Variants in PEAK1 observed in about 807,000 individuals in gnomAD.
PEAK1 encodes the protein pseudopodium enriched atypical kinase 1.
A neutral mutation model predicts 124.7 loss-of-function variants in PEAK1; 54 were observed. The observed-to-expected ratio is 0.43, with a 90% CI of 0.35 to 0.54. The LOEUF (loss-of-function observed/expected upper bound fraction) is 0.54, where lower values mean the gene tolerates loss of function less well. Ranked by LOEUF, PEAK1 falls within the 20% of genes least tolerant of loss-of-function variation. The pLI is 0.01. For synonymous variants in PEAK1, 719 were observed against 760.0 expected, an observed-to-expected ratio of 0.95 and a Z score of 0.89; for missense variants, 2,046 against 2,134.5, an observed-to-expected ratio of 0.96 and a Z score of 0.82.
intron 6 of PEAK1, among the ~76,000 whole-genome samples, chr15:77,241,009 GA>G (rs1469358306): frequency 6.6e-6 from 1 of 150,786 alleles, no homozygotes; most frequent in African/African-American, 2.4e-5. Flanking sequence ...TTGTTTGGCA[GA>G]AAAAAAAATT....
chr15:77,402,085 G>A, intron 1 of PEAK1: 1 of 831,996 alleles, frequency 1.2e-6, no homozygotes, highest in Non-Finnish European at 1.4e-6. Context: ...TATAATCCCA[G>A]CTACTATGGT....
intron 2 of PEAK1, among the ~76,000 whole-genome samples, chr15:77,303,711 T>C (rs1177614531): frequency 6.6e-6 from 1 of 152,212 alleles, no homozygotes; most frequent in Admixed American, 6.5e-5. Flanking sequence ...ATTCTTTTAA[T>C]AGAGTATTTC....
intron 6 of PEAK1, among the ~76,000 whole-genome samples, chr15:77,197,630 G>C (rs1037849724): frequency 2.0e-5 from 3 of 152,040 alleles, no homozygotes; most frequent in Non-Finnish European, 4.4e-5. Flanking sequence ...CTTGTGTTCT[G>C]AGATAAGACA....
intron 2 of PEAK1, among the ~76,000 whole-genome samples, chr15:77,307,275 G>A (rs2064156714): frequency 6.6e-6 from 1 of 151,856 alleles, no homozygotes; most frequent in African/African-American, 2.4e-5. Context: ...AAAATGAGGG[G>A]ACTGGACACA....
chr15:77,171,873 A>T (rs953829767), intron 7 of PEAK1, among the ~76,000 whole-genome samples: 1 of 152,180 alleles, frequency 6.6e-6, no homozygotes, highest in African/African-American at 2.4e-5. Flanking sequence ...TAGTACCTAA[A>T]TAATATTTTT....
At chr15:77,398,101 A>G (rs752293141) in intron 1 of PEAK1, among the ~76,000 whole-genome samples, 20 of 152,142 alleles carry the variant, frequency 1.3e-4, no homozygotes, top group Admixed American at 2.6e-4. Context: ...TAATGAGATC[A>G]ATGCTATAAT....
chr15:77,178,828 ACTC>A lies in PEAK1; in HGVS notation c.3096_3098del (p.Arg1032del), dbSNP rs1212736535. ...TAGGAATCTGTGATGGAGAAGAATG[ACTC>A]CTCTTCTTCTCTGAGTCCTGTAGTA... On this transcript the variant is annotated inframe_deletion, in exon 7 of 10. Coordinates refer to ENST00000682557, the MANE Select transcript of PEAK1 (RefSeq NM_001385026.1). 8.1e-6 allele frequency: 13 copies of A among 1,611,710 alleles called. No homozygotes were observed. Among genetic ancestry groups the A allele is most frequent in the African/African-American group, 8.0e-5 (6 of 74,784 alleles).
At chr15:77,344,910 C>G (rs10152584) in intron 2 of PEAK1, among the ~76,000 whole-genome samples, 1,579 of 152,326 alleles carry the variant, frequency 0.01, 28 homozygotes, top group African/African-American at 0.036. Flanking sequence ...CCAGAAACTT[C>G]GCTGAATTGT....
intron 7 of PEAK1, among the ~76,000 whole-genome samples, chr15:77,159,937 G>T (rs1390854967): frequency 6.6e-6 from 1 of 152,222 alleles, no homozygotes; most frequent in Non-Finnish European, 1.5e-5. Context: ...GGCAGAGCCA[G>T]AGGTCTCTCT....
chr15:77,318,822 A>AC (rs1221509865), intron 2 of PEAK1, among the ~76,000 whole-genome samples: 2 of 152,038 alleles, frequency 1.3e-5, no homozygotes, highest in Non-Finnish European at 2.9e-5. Flanking sequence ...AATAGATGAC[A>AC]CCCCTCCTTA....
chr15:77,158,592 G>T lies in PEAK1; in HGVS notation c.3242C>A (p.Ser1081Tyr). Residue 1081 changes from serine to tyrosine, a missense_variant, in exon 8 of 10, where the codon TCC (serine) becomes TAC (tyrosine). Transcript: ENST00000682557. ...ATCTTCCCTTTCCAGTTCAGGTAGG[G>T]ACAATGCTGTTGTGACTGAAGTGCA... is the stretch of plus-strand genomic sequence containing the variant. ...RGCTSVTTAL[S>Y]LPELEREDGK... 2 of 1,614,106 alleles carry T rather than the reference G, an allele frequency of 1.2e-6. No individual in the cohort carries two copies. The highest frequency in any genetic ancestry group is 1.7e-6 in the Non-Finnish European group (2 of 1,179,978).
chr15:77,165,551 A>G (rs1567053203), intron 7 of PEAK1, among the ~76,000 whole-genome samples: 1 of 152,086 alleles, frequency 6.6e-6, no homozygotes, highest in Non-Finnish European at 1.5e-5. Context: ...CCCAGAAGCA[A>G]TGGAGAAGCA....
intron 6 of PEAK1, among the ~76,000 whole-genome samples, chr15:77,246,272 G>C (rs554980210): frequency 6.6e-6 from 1 of 152,292 alleles, no homozygotes; most frequent in East Asian, 1.9e-4. Flanking sequence ...CTCCCAAAGT[G>C]CTGGGATTAC....
chr15:77,258,409 G>A (rs1159202666), intron 5 of PEAK1, among the ~76,000 whole-genome samples: 1 of 152,158 alleles, frequency 6.6e-6, no homozygotes, highest in Non-Finnish European at 1.5e-5. Flanking sequence ...TCATTGAGCA[G>A]TGGTTTGTAG....
rs200573840 is a variant in PEAK1 at position 77,179,312 on chromosome 15, G to T, written c.2615C>A (p.Pro872Gln). 5 of 1,613,926 alleles carry T rather than the reference G, an allele frequency of 3.1e-6. No homozygotes were observed. Among genetic ancestry groups the T allele is most frequent in the Non-Finnish European group, 3.4e-6 (4 of 1,180,018 alleles). Reference sequence around the variant, plus strand: ...GTAAGGAGAAGAAGTAGAGCGTGGCGGGGGAAAGGGAGCTGGTGGCTCACT... The same window carrying T: ...GTAAGGAGAAGAAGTAGAGCGTGGCTGGGGAAAGGGAGCTGGTGGCTCACT... ...PQSEPPAPFP[P>Q]PRSTSSPYHA... The change falls in exon 7 of 10, where the codon CCG (proline) becomes CAG (glutamine). Residue 872 changes from proline (P) to glutamine (Q), a missense_variant. Coordinates refer to ENST00000682557, the MANE Select transcript of PEAK1 (RefSeq NM_001385026.1).
At chr15:77,264,119 C>G (rs1163576719) in intron 5 of PEAK1, among the ~76,000 whole-genome samples, 3 of 152,120 alleles carry the variant, frequency 2.0e-5, no homozygotes, top group African/African-American at 7.2e-5. Flanking sequence ...ATAATAAGAG[C>G]TATCTGTGAC....
At chr15:77,414,870 G>A (rs980104813) in intron 1 of PEAK1, among the ~76,000 whole-genome samples, 2 of 152,114 alleles carry the variant, frequency 1.3e-5, no homozygotes, top group African/African-American at 4.8e-5. Flanking sequence ...CCTCCTTACA[G>A]GCTTCCAGCT....
intron 8 of PEAK1, chr15:77,157,265 C>T (rs1218631103): frequency 2.6e-5 from 4 of 152,144 alleles, no homozygotes; most frequent in Non-Finnish European, 5.9e-5. Context: ...TGATAGATGC[C>T]ACTGGTTTCC....
At chr15:77,182,370 C>A (rs1193073194) in intron 6 of PEAK1, among the ~76,000 whole-genome samples, 1 of 152,024 alleles carries the variant, frequency 6.6e-6, no homozygotes, top group Admixed American at 6.6e-5. Context: ...TAACACTTCC[C>A]AGCCCATTAT....
Sources: allele counts gnomAD v4.1 joint callset (sites outside exome capture counted in the v4.1 genomes callset), GRCh38; gene constraint gnomAD v4.1.1; transcripts MANE v1.5; gene names NCBI Gene and HGNC (gene_info 2026-07-23, HGNC 2026-07-21).